Variants in SLC12A1 observed in about 807,000 individuals in gnomAD.
SLC12A1 encodes solute carrier family 12 member 1, also known as Na-K-2Cl cotransporter.
SLC12A1 carries 89 observed loss-of-function variants against 130.4 expected under a neutral mutation model. That is an observed-to-expected ratio of 0.68 (90% CI 0.58 to 0.81). The LOEUF is 0.81. Among genes scored for constraint, SLC12A1 ranks in the 40% least tolerant of loss-of-function variants. SLC12A1 has a pLI of 0.00. For synonymous variants in SLC12A1, 499 were observed against 460.0 expected, an observed-to-expected ratio of 1.08 and a Z score of -1.09; for missense variants, 1,310 against 1,336.4, an observed-to-expected ratio of 0.98 and a Z score of 0.31.
At chr15:48,239,275 G>A (rs980059023) in intron 9 of SLC12A1, among the ~76,000 whole-genome samples, 1 of 152,048 alleles carries the variant, frequency 6.6e-6, no homozygotes, top group African/African-American at 2.4e-5. Flanking sequence ...ACTTTGGGAG[G>A]CCCAGGTGGG....
chr15:48,209,056 CA>C (rs1179916476), intron 2 of SLC12A1, among the ~76,000 whole-genome samples: 1 of 152,084 alleles, frequency 6.6e-6, no homozygotes, highest in African/African-American at 2.4e-5. Context: ...AGAAGTGAGG[CA>C]GCACTTTTCC....
intron 25 of SLC12A1, among the ~76,000 whole-genome samples, chr15:48,300,998 TGTA>T (rs889160900): frequency 3.3e-5 from 5 of 152,194 alleles, no homozygotes; most frequent in African/African-American, 1.2e-4. Context: ...TGAGGCTCCT[TGTA>T]GTGTAGGAAG....
chr15:48,297,888 A>G (rs1376573877), intron 24 of SLC12A1, among the ~76,000 whole-genome samples: 1 of 152,230 alleles, frequency 6.6e-6, no homozygotes, highest in Non-Finnish European at 1.5e-5. Context: ...CCACTCCTAG[A>G]GGTCTCTAAA....
intron 5 of SLC12A1, 123 bp from the exon 6 acceptor site, chr15:48,229,066 C>A (rs1307875750): frequency 9.4e-7 from 1 of 1,066,920 alleles, no homozygotes; most frequent in Non-Finnish European, 1.3e-6. Context: ...CCTAAAATTA[C>A]TGGGAAGTTG....
intron 20 of SLC12A1, among the ~76,000 whole-genome samples, chr15:48,280,793 C>G (rs546408293): frequency 6.6e-6 from 1 of 151,894 alleles, no homozygotes; most frequent in Admixed American, 6.6e-5. Context: ...ACTTTGTATA[C>G]GGTATTAACT....
chr15:48,284,984 T>G (rs374002982), intron 20 of SLC12A1, 122 bp from the exon 21 acceptor site: 1 of 659,328 alleles, frequency 1.5e-6, no homozygotes, highest in Non-Finnish European at 2.3e-6. Context: ...TAGAAAAAAT[T>G]ACTATGTATA....
intron 8 of SLC12A1, among the ~76,000 whole-genome samples, chr15:48,233,388 A>G (rs1203319006): frequency 6.6e-6 from 1 of 152,232 alleles, no homozygotes; most frequent in Admixed American, 6.5e-5. Flanking sequence ...AATTTGTTCA[A>G]CCACTGCAGA....
chr15:48,236,872 C>T (rs73404514), intron 9 of SLC12A1: 26,146 of 504,332 alleles, frequency 0.052, 3,506 homozygotes, highest in East Asian at 0.42. Context: ...TATAAGCACA[C>T]CTTTAAATTA....
intron 25 of SLC12A1, among the ~76,000 whole-genome samples, chr15:48,299,689 A>C (rs1031318250): frequency 1.3e-5 from 2 of 152,226 alleles, no homozygotes; most frequent in Admixed American, 1.3e-4. Context: ...AAAACTTATA[A>C]AGGCATCTGA....
intron 13 of SLC12A1, among the ~76,000 whole-genome samples, chr15:48,248,755 T>C (rs1222911584): frequency 6.6e-6 from 1 of 152,206 alleles, no homozygotes; most frequent in Non-Finnish European, 1.5e-5. Flanking sequence ...GGCAAAAGTA[T>C]TTTGGGGCCA....
intron 24 of SLC12A1, among the ~76,000 whole-genome samples, chr15:48,297,447 C>A (rs925012229): frequency 1.3e-5 from 2 of 152,184 alleles, no homozygotes; most frequent in Non-Finnish European, 2.9e-5. Flanking sequence ...TGGAGCCATT[C>A]CCACTGAAAG....
At chr15:48,296,694 T>C (rs1348489931) in intron 24 of SLC12A1, among the ~76,000 whole-genome samples, 3 of 152,198 alleles carry the variant, frequency 2.0e-5, no homozygotes, top group Non-Finnish European at 4.4e-5. Context: ...AAAAATTGAA[T>C]TCTTATTTAT....
chr15:48,257,779 G>A (rs1483084976), intron 16 of SLC12A1, among the ~76,000 whole-genome samples: 1 of 152,212 alleles, frequency 6.6e-6, no homozygotes, highest in Non-Finnish European at 1.5e-5. Flanking sequence ...AGAGGCTGCT[G>A]TGAAGTTCTC....
intron 25 of SLC12A1, 150 bp downstream of exon 25, chr15:48,299,425 C>A (rs1190143587): frequency 2.8e-6 from 2 of 711,768 alleles, no homozygotes; most frequent in East Asian, 3.2e-5. Flanking sequence ...GCTTTTCAAT[C>A]ATTTACTGGA....
intron 24 of SLC12A1, among the ~76,000 whole-genome samples, chr15:48,294,431 A>C (rs1170241253): frequency 1.3e-5 from 2 of 152,022 alleles, no homozygotes; most frequent in African/African-American, 4.8e-5. Flanking sequence ...TGTTAAACTG[A>C]TTATTACTTT....
intron 17 of SLC12A1, 24 bp from the exon 18 acceptor site, chr15:48,267,537 C>T: frequency 1.9e-6 from 3 of 1,612,490 alleles, no homozygotes; most frequent in Non-Finnish European, 2.5e-6. Flanking sequence ...AGGGTTCTAA[C>T]CAATATTTCA....
intron 7 of SLC12A1, among the ~76,000 whole-genome samples, chr15:48,231,222 A>T (rs1046562032): frequency 6.6e-6 from 1 of 152,234 alleles, no homozygotes; most frequent in Non-Finnish European, 1.5e-5. Context: ...CACATTCAAC[A>T]AAAATTAAGT....
intron 16 of SLC12A1, among the ~76,000 whole-genome samples, chr15:48,256,830 C>CA (rs1042015315): frequency 3.5e-5 from 5 of 144,758 alleles, no homozygotes; most frequent in Non-Finnish European, 6.1e-5. Flanking sequence ...TGGCCCCCCC[C>CA]CCCAAATTTC....
chr15:48,221,443 CT>C (rs1355010154), intron 4 of SLC12A1: 29 of 690,088 alleles, frequency 4.2e-5, no homozygotes, highest in Non-Finnish European at 6.3e-5. Context: ...AATTGTTGAA[CT>C]TTTTCCAAAG....
Sources: gnomAD v4.1 joint callset for allele counts (sites outside exome capture counted in the v4.1 genomes callset) on GRCh38, gnomAD v4.1.1 for gene constraint, MANE v1.5 for transcripts, NCBI Gene and HGNC (gene_info 2026-07-23, HGNC 2026-07-21) for gene names.